The following ADAMTSL3 variants were observed in gnomAD, a reference collection of about 807,000 sequenced individuals.
ADAMTSL3 encodes the protein ADAMTS like 3.
ADAMTSL3 carries 128 observed loss-of-function variants against 201.7 expected under a neutral mutation model. That is an observed-to-expected ratio of 0.63 (90% CI 0.55 to 0.73). ADAMTSL3 has a LOEUF of 0.73. Ranked by LOEUF, ADAMTSL3 falls within the 30% of genes least tolerant of loss-of-function variation. ADAMTSL3 has a pLI of 0.00. For synonymous variants in ADAMTSL3, 738 were observed against 748.4 expected, an observed-to-expected ratio of 0.99 and a Z score of 0.23; for missense variants, 1,990 against 2,119.6, an observed-to-expected ratio of 0.94 and a Z score of 1.20.
rs1279741472 is a variant in ADAMTSL3 at position 84,011,559 on chromosome 15, TG to T, written c.3974-2982del. Among the ~76,000 whole-genome samples the T allele has an allele frequency of 3.0e-4, 45 of 152,190 alleles. 1 individual carries two copies. The highest frequency in any genetic ancestry group is 1.1e-3 in the African/African-American group (44 of 41,450). On this transcript the variant is annotated intron_variant, in intron 23 of 29. Coordinates refer to ENST00000286744, the MANE Select transcript of ADAMTSL3 (RefSeq NM_207517.3). ...ACACAAATATTCAGTCTAACGTACC[TG>T]CTATAGTGGTTATTATTCAGCATTG...
At chr15:83,985,404 C>T (rs1458221318) in intron 21 of ADAMTSL3, among the ~76,000 whole-genome samples, 1 of 151,768 alleles carries the variant, frequency 6.6e-6, no homozygotes, top group Non-Finnish European at 1.5e-5. Flanking sequence ...ATATATCTAC[C>T]AAATACCCAA....
intron 5 of ADAMTSL3, among the ~76,000 whole-genome samples, chr15:83,814,079 C>T (rs4473150): frequency 6.6e-6 from 1 of 152,058 alleles, no homozygotes; most frequent in Non-Finnish European, 1.5e-5. Flanking sequence ...TACTTGCAGA[C>T]GGGGCTCCCA....
chr15:84,006,408 A>C (rs1039954769), intron 23 of ADAMTSL3, among the ~76,000 whole-genome samples: 2 of 152,248 alleles, frequency 1.3e-5, no homozygotes, highest in African/African-American at 4.8e-5. Flanking sequence ...AAGATCCAGC[A>C]TTTCAGGGCA....
At chr15:83,745,283 C>G (rs560066817) in intron 3 of ADAMTSL3, among the ~76,000 whole-genome samples, 1 of 152,306 alleles carries the variant, frequency 6.6e-6, no homozygotes, top group South Asian at 2.1e-4. Context: ...ATTCATGCAA[C>G]CTGATTTTTC....
intron 19 of ADAMTSL3, among the ~76,000 whole-genome samples, chr15:83,963,945 C>T (rs2067028294): frequency 6.6e-6 from 1 of 152,168 alleles, no homozygotes; most frequent in South Asian, 2.1e-4. Context: ...AATTAACAAA[C>T]AGAGAGGAAT....
At chr15:84,017,380 G>A (rs2068106899) in intron 25 of ADAMTSL3, among the ~76,000 whole-genome samples, 1 of 152,236 alleles carries the variant, frequency 6.6e-6, no homozygotes, top group African/African-American at 2.4e-5. Context: ...GCCTCCCAAA[G>A]TGCTGAGATT....
At chr15:83,975,181 T>C (rs2067264490) in intron 20 of ADAMTSL3, among the ~76,000 whole-genome samples, 2 of 151,934 alleles carry the variant, frequency 1.3e-5, no homozygotes, top group African/African-American at 4.8e-5. Context: ...TTTTTGTATT[T>C]TTAGTAGAGA....
intron 15 of ADAMTSL3, among the ~76,000 whole-genome samples, chr15:83,902,987 C>T (rs1157615344): frequency 6.6e-6 from 1 of 152,188 alleles, no homozygotes; most frequent in Non-Finnish European, 1.5e-5. Context: ...TCGAAACCAT[C>T]ACCACTGCCA....
chr15:83,925,623 A>G (rs1296566022), intron 17 of ADAMTSL3, among the ~76,000 whole-genome samples: 3 of 152,248 alleles, frequency 2.0e-5, no homozygotes, highest in Admixed American at 6.5e-5. Flanking sequence ...TTTGTCAAGT[A>G]TGTCCAGACT....
At chr15:83,705,914 A>G (rs2061844207) in intron 3 of ADAMTSL3, among the ~76,000 whole-genome samples, 1 of 152,140 alleles carries the variant, frequency 6.6e-6, no homozygotes, top group African/African-American at 2.4e-5. Context: ...AAGTTACTTT[A>G]AAAGTGAGTG....
intron 6 of ADAMTSL3, among the ~76,000 whole-genome samples, chr15:83,824,641 C>G (rs1011967843): frequency 1.3e-5 from 2 of 152,126 alleles, no homozygotes; most frequent in African/African-American, 2.4e-5. Flanking sequence ...TCTTTCATCC[C>G]TCTCTCCTCG....
chr15:83,822,432 C>G (rs2063898205), intron 6 of ADAMTSL3, among the ~76,000 whole-genome samples: 1 of 146,364 alleles, frequency 6.8e-6, no homozygotes, highest in Non-Finnish European at 1.5e-5. Flanking sequence ...CTCCTCACTT[C>G]TCAGACGGGG....
chr15:83,743,667 G>T (rs185368977), intron 3 of ADAMTSL3, among the ~76,000 whole-genome samples: 50 of 152,260 alleles, frequency 3.3e-4, no homozygotes, highest in African/African-American at 1.2e-3. Context: ...GCTGGGGAGG[G>T]GAGGCAAGTA....
chr15:83,791,858 CAA>C (rs1338122561), intron 4 of ADAMTSL3, among the ~76,000 whole-genome samples: 3 of 88,000 alleles, frequency 3.4e-5, no homozygotes, highest in East Asian at 3.1e-4. Context: ...GACTCTGTCT[CAA>C]AAAAAAAAAA....
At chr15:83,854,572 C>T (rs1370455601) in intron 7 of ADAMTSL3, among the ~76,000 whole-genome samples, 4 of 152,172 alleles carry the variant, frequency 2.6e-5, no homozygotes, top group Non-Finnish European at 5.9e-5. Context: ...TGTAAGAAAT[C>T]TGCAGAGTGA....
intron 2 of ADAMTSL3, among the ~76,000 whole-genome samples, chr15:83,663,958 CT>C (rs1410093507): frequency 6.6e-6 from 1 of 152,050 alleles, no homozygotes; most frequent in African/African-American, 2.4e-5. Context: ...TCCTCTCTGG[CT>C]TTTAAAAAAT....
At chr15:83,812,225 C>T (rs2063710584) in intron 5 of ADAMTSL3, among the ~76,000 whole-genome samples, 1 of 152,142 alleles carries the variant, frequency 6.6e-6, no homozygotes, top group African/African-American at 2.4e-5. Flanking sequence ...GACCAGTCTG[C>T]AACCCACCCC....
At position 83,838,121 on chromosome 15, in the gene ADAMTSL3, T is replaced by C. The variant is rs2064310804; in HGVS notation, c.633T>C (p.Asn211=). 1.2e-6 allele frequency: 2 copies of C among 1,612,396 alleles called. No individual in the cohort carries two copies. The highest frequency in any genetic ancestry group is 4.5e-5 in the East Asian group (2 of 44,758). The part of the protein sequence containing the change: ...AVGCDRQLGS[N]AKEDNCGVCA... ...GCTGCGATCGGCAACTGGGAAGCAATGCCAAGGAGGACAACTGTGGAGTCT... is the reference window on the plus strand; with the variant it reads ...GCTGCGATCGGCAACTGGGAAGCAACGCCAAGGAGGACAACTGTGGAGTCT... Residue 211 remains asparagine (N), a synonymous_variant, in exon 7 of 30, where the codon AAT becomes AAC. Transcript: ENST00000286744.
intron 9 of ADAMTSL3, among the ~76,000 whole-genome samples, chr15:83,873,155 A>G (rs2065113290): frequency 7.0e-6 from 1 of 143,442 alleles, no homozygotes; most frequent in Non-Finnish European, 1.5e-5. Context: ...AAATACAAAA[A>G]TAGCCGGACG....
Sources: allele counts gnomAD v4.1 joint callset (sites outside exome capture counted in the v4.1 genomes callset), GRCh38; gene constraint gnomAD v4.1.1; transcripts MANE v1.5; gene names NCBI Gene and HGNC (gene_info 2026-07-23, HGNC 2026-07-21).